CABLES1: variants seen among roughly 807,000 people sequenced by gnomAD.
The protein encoded by CABLES1 is CDK5 and ABL1 enzyme substrate 1.
CABLES1 carries 36 observed loss-of-function variants against 57.8 expected under a neutral mutation model. That is an observed-to-expected ratio of 0.62 (90% CI 0.48 to 0.82). The LOEUF (loss-of-function observed/expected upper bound fraction) is 0.82, where lower values mean the gene tolerates loss of function less well. Among genes scored for constraint, CABLES1 ranks in the 40% least tolerant of loss-of-function variants. The pLI is 0.00. For missense variants in CABLES1, 767 were observed against 836.6 expected (o/e 0.92, Z 1.03); for synonymous variants, 374 against 363.0 (o/e 1.03, Z -0.35).
chr18:23,227,696 G>A (rs562213522), intron 4 of CABLES1, among the ~76,000 whole-genome samples: 1 of 152,110 alleles, frequency 6.6e-6, no homozygotes, highest in Non-Finnish European at 1.5e-5. Flanking sequence ...TTAAGCTAAG[G>A]GGAAGACTTG....
rs538613226 is a variant in CABLES1, at chr18:23,191,758, C to T, written c.918-2690C>T. 1.4e-4 allele frequency among the ~76,000 whole-genome samples: 22 copies of T among 152,136 alleles called. 1 individual carries two copies. The South Asian group carries it at 1.5e-3, about 10-fold the overall frequency. On this transcript the variant is annotated intron_variant, in intron 2 of 9. Coordinates refer to ENST00000256925, the MANE Select transcript of CABLES1 (RefSeq NM_001100619.3). ...GTATGTTTTTAAATGGATGTTTACA[C>T]GCTGTTGCAGGCGGCTGTGAAATTA...
chr18:23,185,010 A>T (rs905017219), intron 1 of CABLES1, among the ~76,000 whole-genome samples: 1 of 152,166 alleles, frequency 6.6e-6, no homozygotes, highest in African/African-American at 2.4e-5. Context: ...GGGGACACAG[A>T]TGTTTAATCT....
At chr18:23,223,650 C>T (rs905120415) in intron 4 of CABLES1, among the ~76,000 whole-genome samples, 1 of 151,362 alleles carries the variant, frequency 6.6e-6, no homozygotes, top group Non-Finnish European at 1.5e-5. Flanking sequence ...GAGTGGGATG[C>T]TCTATCCTGT....
intron 8 of CABLES1, among the ~76,000 whole-genome samples, 188 bp downstream of exon 8, chr18:23,253,254 G>A (rs1408653011): frequency 6.6e-6 from 1 of 152,170 alleles, no homozygotes; most frequent in Admixed American, 6.5e-5. Context: ...AGGCCGAAGT[G>A]GGCGGATCAC....
rs576173827 is a variant in CABLES1 at position 23,189,229 on chromosome 18, G to A, written c.917+320G>A. ...CATTGTCCCGGCCTATCCCCCAGGTGCAGTCACACAGTAGGTACAGTCCTG... is the reference window on the plus strand; with the variant it reads ...CATTGTCCCGGCCTATCCCCCAGGTACAGTCACACAGTAGGTACAGTCCTG... On this transcript the variant is annotated intron_variant, in intron 2 of 9. Coordinates refer to ENST00000256925, the MANE Select transcript of CABLES1 (RefSeq NM_001100619.3). 74 of 296,482 alleles carry A rather than the reference G, an allele frequency of 2.5e-4. 1 individual carries two copies. The highest frequency in any genetic ancestry group is 2.4e-3 in the South Asian group (65 of 27,510). The allele number at this position is 296,482 out of a possible 1,614,324, so 18.4% of individuals were successfully genotyped here.
chr18:23,253,814 A>G lies in CABLES1; in HGVS notation c.1639A>G (p.Lys547Glu). The G allele has an allele frequency of 1.2e-5, 20 of 1,614,198 alleles. No homozygotes were observed. The highest frequency in any genetic ancestry group is 1.6e-5 in the Non-Finnish European group (19 of 1,180,040). Residue 547 changes from lysine to glutamate, a missense_variant, in exon 9 of 10, where the codon AAG (lysine) becomes GAG (glutamate). This residue lies in a region of CABLES1 where 529 missense variants were observed against 622.8 expected (regional missense o/e 0.85). Transcript: ENST00000256925. ...GGCCATGGCCTTCGTCTACTTTGAA[A>G]AGCTCGCCCTCAAGGGGAAACTCAA... ...TVAMAFVYFE[K>E]LALKGKLNKQ...
At chr18:23,216,704 G>C (rs1202623436) in intron 4 of CABLES1, among the ~76,000 whole-genome samples, 3 of 152,260 alleles carry the variant, frequency 2.0e-5, no homozygotes, top group Non-Finnish European at 4.4e-5. Context: ...TTAGGAAGCT[G>C]TTTTAACTTA....
At position 23,236,032 on chromosome 18, in the gene CABLES1, C is replaced by G. The variant is rs774135478; in HGVS notation, c.1323C>G (p.Thr441=). 2 of 1,614,058 alleles carry G rather than the reference C, an allele frequency of 1.2e-6. No individual in the cohort carries two copies. Among genetic ancestry groups the G allele is most frequent in the Non-Finnish European group, 1.7e-6 (2 of 1,180,048 alleles). The change falls in exon 6 of 10, where the codon ACC becomes ACG. Residue 441 remains threonine (T), a synonymous_variant. Coordinates refer to ENST00000256925, the MANE Select transcript of CABLES1 (RefSeq NM_001100619.3). ...RSLSIGRASG[T]QGSLDTGSDL... ...TCTCCATAGGCCGGGCAAGCGGCAC[C>G]CAGGGGAGCCTCGACACAGGTAACC...
chr18:23,238,786 TG>T (rs1339601650), intron 7 of CABLES1, among the ~76,000 whole-genome samples: 1 of 152,156 alleles, frequency 6.6e-6, no homozygotes, highest in African/African-American at 2.4e-5. Context: ...AGACAGGAAA[TG>T]GGGGATCCAG....
At chr18:23,230,643 C>T (rs901310616) in intron 4 of CABLES1, among the ~76,000 whole-genome samples, 1 of 152,146 alleles carries the variant, frequency 6.6e-6, no homozygotes, top group Non-Finnish European at 1.5e-5. Flanking sequence ...TGAAGTGTGA[C>T]TAGCTTTGGC....
intron 7 of CABLES1, among the ~76,000 whole-genome samples, chr18:23,240,395 A>G (rs2047706379): frequency 6.6e-6 from 1 of 152,184 alleles, no homozygotes; most frequent in Admixed American, 6.5e-5. Flanking sequence ...CCCACAAATG[A>G]TGATGCCGAC....
At chr18:23,214,762 C>T (rs970308326) in intron 4 of CABLES1, 11 of 152,260 alleles carry the variant, frequency 7.2e-5, no homozygotes, top group Non-Finnish European at 1.2e-4. Flanking sequence ...AGAAGTCAAG[C>T]ATCATGGGAT....
Position 23,247,755 on chromosome 18 carries a change from CA to C in CABLES1, c.1447-5203del, listed in dbSNP as rs754746443. 1.1e-4 allele frequency among the ~76,000 whole-genome samples: 17 copies of C among 152,336 alleles called. No individual in the cohort carries two copies. The East Asian group carries it at 2.9e-3, about 26-fold the overall frequency. On this transcript the variant is annotated intron_variant, in intron 7 of 9. Coordinates refer to ENST00000256925, the MANE Select transcript of CABLES1 (RefSeq NM_001100619.3). ...CAGCTCAGAGAAGCAGGGACAAAAG[CA>C]AGACTGAAGAGAGCACAGCAGACAG...
chr18:23,225,299 CT>C (rs1283200819), intron 4 of CABLES1, among the ~76,000 whole-genome samples: 1 of 152,156 alleles, frequency 6.6e-6, no homozygotes, highest in Non-Finnish European at 1.5e-5. Context: ...TTTATTCAGT[CT>C]TTTTTTCCTC....
intron 1 of CABLES1, among the ~76,000 whole-genome samples, chr18:23,161,079 T>TA: frequency 6.6e-6 from 1 of 151,258 alleles, no homozygotes; most frequent in Non-Finnish European, 1.5e-5. Flanking sequence ...TATGGTGGCT[T>TA]ACACCTGTAA....
chr18:23,230,467 C>T (rs1190208197), intron 4 of CABLES1, among the ~76,000 whole-genome samples: 1 of 152,296 alleles, frequency 6.6e-6, no homozygotes, highest in Non-Finnish European at 1.5e-5. Flanking sequence ...CACGCCTGTA[C>T]GTGTATGCTC....
chr18:23,166,169 A>G (rs956462246), intron 1 of CABLES1, among the ~76,000 whole-genome samples: 10 of 152,058 alleles, frequency 6.6e-5, no homozygotes, highest in African/African-American at 2.2e-4. Context: ...ATACATATAT[A>G]TGTATTTATA....
Position 23,176,892 on chromosome 18 carries a change from G to A in CABLES1, c.846-11946G>A, listed in dbSNP as rs928716703. On this transcript the variant is annotated intron_variant, in intron 1 of 9. Transcript: ENST00000256925. ...AGACTCCAGGGAGCGTTTTACTGGCGTCCTCCCTAGGAGGGCAGCCCTCTG... is the reference window on the plus strand; with the variant it reads ...AGACTCCAGGGAGCGTTTTACTGGCATCCTCCCTAGGAGGGCAGCCCTCTG... 3.9e-5 allele frequency among the ~76,000 whole-genome samples: 6 copies of A among 152,106 alleles called. No individual in the cohort carries two copies. The East Asian group carries it at 5.8e-4, about 15-fold the overall frequency.
intron 1 of CABLES1, among the ~76,000 whole-genome samples, chr18:23,155,334 T>C (rs1200284535): frequency 6.6e-6 from 1 of 152,232 alleles, no homozygotes; most frequent in East Asian, 1.9e-4. Flanking sequence ...GACAGACTCC[T>C]GAGCTGATCC....
Sources: allele counts gnomAD v4.1 joint callset (sites outside exome capture counted in the v4.1 genomes callset), GRCh38; gene constraint gnomAD v4.1.1; regional missense constraint gnomAD v4.1.1; transcripts MANE v1.5; gene names NCBI Gene and HGNC (gene_info 2026-07-23, HGNC 2026-07-21).